EEFSEC: variants seen among roughly 807,000 people sequenced by gnomAD.
The protein encoded by EEFSEC is selenocysteine-specific elongation factor.
EEFSEC carries 43 observed loss-of-function variants against 42.1 expected under a neutral mutation model. The observed-to-expected ratio is 1.02, with a 90% CI of 0.80 to 1.32. EEFSEC has a LOEUF of 1.32. Among genes scored for constraint, EEFSEC ranks in the 40% most tolerant of loss-of-function variants. EEFSEC has a pLI of 0.00. For synonymous variants in EEFSEC, 354 were observed against 339.1 expected (o/e 1.04, Z -0.48); for missense variants, 745 against 803.6 (o/e 0.93, Z 0.88).
At chr3:128,416,100 G>A in the EEFSEC span, among the ~76,000 whole-genome samples, 9 of 152,198 alleles carry the variant, frequency 5.9e-5, no homozygotes, top group African/African-American at 2.2e-4. Context: ...CTGCCGATAA[G>A]GAGAGACGGT....
Position 128,341,282 on chromosome 3 carries a change from C to T in EEFSEC, c.836C>T (p.Ser279Leu), listed in dbSNP as rs201055680. Residue 279 changes from serine to leucine, a missense_variant, in exon 5 of 7, where the codon TCA (serine) becomes TTA (leucine). By Grantham distance (145) the Ser-to-Leu change is moderately radical. Transcript: ENST00000254730. ...CAGATGTTCCACATGCCCATCACTT[C>T]AGCCATGCAAGGAGACCGGCTGGGC... ...SMQMFHMPIT[S>L]AMQGDRLGIC... 440 of 1,613,946 alleles carry T rather than the reference C, an allele frequency of 2.7e-4. 1 individual carries two copies. In the South Asian group the frequency reaches 4.6e-3, roughly 17 times the overall value.
At chr3:128,361,682 C>T in intron 6 of EEFSEC, among the ~76,000 whole-genome samples, 1 of 152,198 alleles carries the variant, frequency 6.6e-6, no homozygotes, top group Non-Finnish European at 1.5e-5. Context: ...TCCTGATATC[C>T]AAGGAGCCTT....
At chr3:128,163,229 G>T (rs1221141094) in intron 1 of EEFSEC, among the ~76,000 whole-genome samples, 2 of 152,110 alleles carry the variant, frequency 1.3e-5, no homozygotes, top group African/African-American at 4.8e-5. Flanking sequence ...TGGGGGTAGA[G>T]CCTGGCACTT....
intron 6 of EEFSEC, among the ~76,000 whole-genome samples, chr3:128,395,396 CCA>C (rs1374640613): frequency 6.6e-6 from 1 of 152,206 alleles, no homozygotes; most frequent in Non-Finnish European, 1.5e-5. Context: ...ACCTTTTCCA[CCA>C]CAGTCTTCCT....
chr3:128,313,353 C>T (rs889037038), intron 4 of EEFSEC, among the ~76,000 whole-genome samples: 21 of 152,260 alleles, frequency 1.4e-4, no homozygotes, highest in Admixed American at 6.5e-4. Flanking sequence ...AACAGGGTTG[C>T]ACTCATGTTT....
At chr3:128,419,067 G>A in the EEFSEC span, among the ~76,000 whole-genome samples, 6 of 152,240 alleles carry the variant, frequency 3.9e-5, no homozygotes, top group African/African-American at 1.2e-4. Flanking sequence ...AATATCAAGT[G>A]TTGGTGAAGA....
intron 6 of EEFSEC, among the ~76,000 whole-genome samples, chr3:128,388,663 C>CTCA (rs2067871410): frequency 6.6e-6 from 1 of 152,388 alleles, no homozygotes; most frequent in Non-Finnish European, 1.5e-5. Context: ...GCCTGTACCC[C>CTCA]TCATCCCTTT....
chr3:128,227,377 C>T (rs1436291480), intron 1 of EEFSEC, among the ~76,000 whole-genome samples: 3 of 152,064 alleles, frequency 2.0e-5, no homozygotes, highest in Admixed American at 6.5e-5. Flanking sequence ...GGTCCACTCT[C>T]GCAGGCTCTG....
rs1345229039 is a variant in EEFSEC, at chr3:128,192,368, T to G, written c.316+38545T>G. Among the ~76,000 whole-genome samples, 11 of 152,302 alleles carry G rather than the reference T, an allele frequency of 7.2e-5. No individual in the cohort carries two copies. In the East Asian group the frequency reaches 2.1e-3, roughly 29 times the overall value. On this transcript the variant is annotated intron_variant, in intron 1 of 6. Coordinates refer to ENST00000254730, the MANE Select transcript of EEFSEC (RefSeq NM_021937.5). ...CTGCGTGCTTAGAGACCATGGTGGCTGCAGCAGGCCCTGGACCCGCTCTTC... is the reference window on the plus strand; with the variant it reads ...CTGCGTGCTTAGAGACCATGGTGGCGGCAGCAGGCCCTGGACCCGCTCTTC...
At chr3:128,204,165 C>T (rs985475895) in intron 1 of EEFSEC, among the ~76,000 whole-genome samples, 7 of 152,240 alleles carry the variant, frequency 4.6e-5, no homozygotes, top group African/African-American at 1.7e-4. Flanking sequence ...GATTCTAGCA[C>T]CATACTACTT....
chr3:128,376,303 T>A (rs973650303), intron 6 of EEFSEC, among the ~76,000 whole-genome samples: 2 of 152,170 alleles, frequency 1.3e-5, no homozygotes, highest in African/African-American at 4.8e-5. Context: ...CAGCAGGTGT[T>A]TGCTGCAAGC....
downstream of EEFSEC, among the ~76,000 whole-genome samples, chr3:128,409,171 CA>C (rs1388470751): frequency 1.3e-5 from 2 of 152,210 alleles, no homozygotes; most frequent in African/African-American, 4.8e-5. Flanking sequence ...GAGGGGAAAT[CA>C]AAGCTTTTAG....
At chr3:128,395,849 GC>G (rs1431088344) in intron 6 of EEFSEC, among the ~76,000 whole-genome samples, 2 of 152,190 alleles carry the variant, frequency 1.3e-5, no homozygotes, top group Non-Finnish European at 2.9e-5. Flanking sequence ...TCTTTACCAA[GC>G]GCTTCCTGGA....
intron 5 of EEFSEC, among the ~76,000 whole-genome samples, chr3:128,346,918 A>C (rs2067318249): frequency 6.6e-6 from 1 of 152,270 alleles, no homozygotes; most frequent in Non-Finnish European, 1.5e-5. Flanking sequence ...AAAATATAAA[A>C]ACCCTTCTTA....
At chr3:128,284,736 G>A (rs928536167) in intron 4 of EEFSEC, among the ~76,000 whole-genome samples, 5 of 152,124 alleles carry the variant, frequency 3.3e-5, no homozygotes, top group Admixed American at 3.3e-4. Context: ...ACCCCATATA[G>A]CTGTACAAAT....
chr3:128,385,499 C>G (rs2107618303), intron 6 of EEFSEC, among the ~76,000 whole-genome samples: 2 of 152,376 alleles, frequency 1.3e-5, no homozygotes, highest in South Asian at 4.1e-4. Flanking sequence ...CTTTGACCCA[C>G]AGGCAGCAGA....
intron 5 of EEFSEC, among the ~76,000 whole-genome samples, chr3:128,357,720 C>T (rs1046530947): frequency 5.3e-5 from 8 of 151,992 alleles, no homozygotes; most frequent in Non-Finnish European, 8.8e-5. Context: ...GGCTCAGGAG[C>T]GGCCCGGGTG....
chr3:128,264,930 T>G, intron 4 of EEFSEC, 149 bp downstream of exon 4: 1 of 914,474 alleles, frequency 1.1e-6, no homozygotes, highest in Non-Finnish European at 1.6e-6. Context: ...TCTGGCTGCC[T>G]GGCCCCGCCC....
At chr3:128,358,561 C>G (rs1237873294) in intron 6 of EEFSEC, among the ~76,000 whole-genome samples, 188 bp downstream of exon 6, 1 of 152,192 alleles carries the variant, frequency 6.6e-6, no homozygotes, top group Non-Finnish European at 1.5e-5. Flanking sequence ...TGGGAAGAGC[C>G]TGGATGTGGA....
Sources: allele counts gnomAD v4.1 joint callset (sites outside exome capture counted in the v4.1 genomes callset), GRCh38; gene constraint gnomAD v4.1.1; transcripts MANE v1.5; gene names NCBI Gene and HGNC (gene_info 2026-07-23, HGNC 2026-07-21).